The following BIN2 variants were observed in gnomAD, a reference collection of about 807,000 sequenced individuals.
BIN2 encodes bridging integrator 2.
BIN2 carries 43 observed loss-of-function variants against 67.9 expected under a neutral mutation model. The observed-to-expected ratio is 0.63, with a 90% CI of 0.50 to 0.82. The LOEUF is 0.82. BIN2 is among the 40% of genes least tolerant of loss of function. The pLI is 0.00. For missense variants in BIN2, 581 were observed against 671.6 expected (o/e 0.87, Z 1.49); for synonymous variants, 244 against 246.8 (o/e 0.99, Z 0.11).
rs554167107 is a variant in BIN2 at position 51,314,080 on chromosome 12, C to G, written c.82-177G>C. ...TATTTATTTTTGAGACGGAGTCTCA[C>G]TCTGTTGCCCAGGCTGGAGTGCAGT... On this transcript the variant is annotated intron_variant, in intron 1 of 12. Transcript: ENST00000615107. Among the ~76,000 whole-genome samples the G allele has an allele frequency of 1.7e-3, 257 of 152,024 alleles. 1 individual carries two copies. Among genetic ancestry groups the G allele is most frequent in the African/African-American group, 6.1e-3 (254 of 41,474 alleles).
chr12:51,284,524 A>G (rs1170073504), intron 12 of BIN2, among the ~76,000 whole-genome samples, 192 bp downstream of exon 12: 1 of 152,184 alleles, frequency 6.6e-6, no homozygotes, highest in African/African-American at 2.4e-5. Context: ...AAGGTCAAGT[A>G]TAGGAAAATG....
At chr12:51,316,623 T>A (rs1348543221) in intron 1 of BIN2, among the ~76,000 whole-genome samples, 1 of 152,210 alleles carries the variant, frequency 6.6e-6, no homozygotes, top group Non-Finnish European at 1.5e-5. Context: ...TCTCCTTTCC[T>A]AACACTTTTT....
At chr12:51,323,803 C>T (rs1946354370) in intron 1 of BIN2, among the ~76,000 whole-genome samples, 1 of 152,228 alleles carries the variant, frequency 6.6e-6, no homozygotes, top group Non-Finnish European at 1.5e-5. Flanking sequence ...CTTATCCTTG[C>T]CCAAGATCGG....
intron 7 of BIN2, among the ~76,000 whole-genome samples, 180 bp downstream of exon 7, chr12:51,299,023 A>T (rs574606852): frequency 1.3e-5 from 2 of 148,918 alleles, no homozygotes; most frequent in Non-Finnish European, 3.0e-5. Flanking sequence ...CAGTGAGCTG[A>T]GATTGAGTGC....
chr12:51,297,357 A>T, intron 7 of BIN2, 193 bp from the exon 8 acceptor site: 1 of 505,862 alleles, frequency 2.0e-6, no homozygotes, highest in Non-Finnish European at 3.5e-6. Context: ...TCATGAAGTC[A>T]GGAGATCAAG....
chr12:51,317,983 G>A (rs1006827519), intron 1 of BIN2, among the ~76,000 whole-genome samples: 3 of 152,034 alleles, frequency 2.0e-5, no homozygotes, highest in African/African-American at 4.8e-5. Context: ...GCAAGACTCC[G>A]TCTCAAGAAA....
rs1450533235 is a variant in BIN2, at chr12:51,281,418, T to A, written c.*81A>T. On this transcript the variant is annotated 3_prime_UTR_variant, in exon 13 of 13. Transcript: ENST00000615107. ...GAACCCAGGGATGGATGCTGGCTCT[T>A]ATATCCCTCTGACCTATACCCTCTG... 1.4e-6 allele frequency: 2 copies of A among 1,449,302 alleles called. No individual in the cohort carries two copies. The highest frequency in any genetic ancestry group is 1.9e-6 in the Non-Finnish European group (2 of 1,030,314). The allele number at this position is 1,449,302 out of a possible 1,614,324, so 89.8% of individuals were successfully genotyped here.
chr12:51,284,329 C>T (rs1287395426), intron 12 of BIN2, among the ~76,000 whole-genome samples: 2 of 152,166 alleles, frequency 1.3e-5, no homozygotes, highest in Non-Finnish European at 2.9e-5. Context: ...CTATACCATA[C>T]AGCCACACAT....
chr12:51,290,933 A>AAAAAC (rs10623986), intron 10 of BIN2, among the ~76,000 whole-genome samples: 116,188 of 148,644 alleles, frequency 0.78, 46,609 homozygotes, highest in South Asian at 0.88. Context: ...ACTCCGTCTC[A>AAAAAC]AAAACAAAAC....
At chr12:51,319,413 T>C (rs936475193) in intron 1 of BIN2, among the ~76,000 whole-genome samples, 4 of 152,256 alleles carry the variant, frequency 2.6e-5, no homozygotes, top group Admixed American at 6.5e-5. Context: ...GCACTTATAC[T>C]GTGTCATGGG....
chr12:51,300,942 C>T (rs1202461516), intron 5 of BIN2, among the ~76,000 whole-genome samples: 4 of 152,142 alleles, frequency 2.6e-5, no homozygotes, highest in Admixed American at 1.3e-4. Context: ...ATACTAGAGC[C>T]GGGTGCAGTG....
chr12:51,293,084 A>G (rs1044163446), intron 9 of BIN2, among the ~76,000 whole-genome samples: 3 of 152,046 alleles, frequency 2.0e-5, no homozygotes, highest in Admixed American at 6.6e-5. Flanking sequence ...ACAAGGTTAT[A>G]TGTTGGGTGG....
chr12:51,295,924 G>C (rs200511170), intron 8 of BIN2, 46 bp from the exon 9 acceptor site: 2 of 1,502,712 alleles, frequency 1.3e-6, no homozygotes, highest in South Asian at 1.1e-5. Context: ...CTGGGAACCC[G>C]AGAGTGGCAT....
intron 7 of BIN2, 58 bp from the exon 8 acceptor site, chr12:51,297,222 G>T: frequency 2.6e-6 from 4 of 1,526,730 alleles, no homozygotes; most frequent in Non-Finnish European, 3.6e-6. Context: ...GGAGTTCTTT[G>T]TTTGAAATAC....
At chr12:51,290,425 G>A (rs527909908) in intron 10 of BIN2, among the ~76,000 whole-genome samples, 13 of 151,710 alleles carry the variant, frequency 8.6e-5, no homozygotes, top group Non-Finnish European at 1.2e-4. Flanking sequence ...CACGACGCCC[G>A]GCTTCAACTA....
chr12:51,297,129 A>G lies in BIN2; in HGVS notation c.638T>C (p.Ile213Thr). 1.2e-6 allele frequency: 2 copies of G among 1,614,104 alleles called. No individual in the cohort carries two copies. The highest frequency in any genetic ancestry group is 1.7e-6 in the Non-Finnish European group (2 of 1,179,970). ...IGCYVTIFQN[I>T]SNLRDVFYRE... is the part of the protein sequence containing the mutation. ...GTAGAAGACATCCCTCAAGTTGGAAATGTTTTGGAAGATGGTCACATAGCA... is the reference window on the plus strand; with the variant it reads ...GTAGAAGACATCCCTCAAGTTGGAAGTGTTTTGGAAGATGGTCACATAGCA... Residue 213 changes from isoleucine to threonine, a missense_variant, in exon 8 of 13, where the codon ATT becomes ACT. By Grantham distance (89) the Ile-to-Thr change is moderately conservative. Transcript: ENST00000615107.
intron 5 of BIN2, among the ~76,000 whole-genome samples, chr12:51,301,585 T>G (rs1945726044): frequency 6.6e-6 from 1 of 152,146 alleles, no homozygotes; most frequent in Non-Finnish European, 1.5e-5. Flanking sequence ...CTTGGCTCAC[T>G]GCAACCTCTC....
chr12:51,298,286 C>T (rs1481212651), intron 7 of BIN2, among the ~76,000 whole-genome samples: 3 of 152,080 alleles, frequency 2.0e-5, no homozygotes, highest in Admixed American at 6.6e-5. Context: ...GCAGGAGAAT[C>T]GCTTGAATCC....
At chr12:51,315,989 T>A (rs988980442) in intron 1 of BIN2, among the ~76,000 whole-genome samples, 5 of 152,274 alleles carry the variant, frequency 3.3e-5, no homozygotes, top group African/African-American at 1.2e-4. Context: ...TCTCGGGAGT[T>A]GCCTTCAACT....
Sources: gnomAD v4.1 joint callset for allele counts (sites outside exome capture counted in the v4.1 genomes callset) on GRCh38, gnomAD v4.1.1 for gene constraint, MANE v1.5 for transcripts, NCBI Gene and HGNC (gene_info 2026-07-23, HGNC 2026-07-21) for gene names.